RAI2: variants seen among roughly 807,000 people sequenced by gnomAD.
The protein encoded by RAI2 is retinoic acid-induced protein 2.
In RAI2, 5 loss-of-function variants were observed where a neutral mutation model predicts 15.3. That is an observed-to-expected ratio of 0.33 (90% CI 0.17 to 0.69). The LOEUF is 0.69. Ranked by LOEUF, RAI2 falls within the 30% of genes least tolerant of loss-of-function variation. RAI2 has a pLI of 0.69. For synonymous variants in RAI2, 191 were observed against 184.0 expected (o/e 1.04, Z -0.31); for missense variants, 424 against 424.7 (o/e 1.00, Z 0.01).
chrX:17,859,181 A>T (rs1036828294), intron 1 of RAI2, among the ~76,000 whole-genome samples: 3 of 110,857 alleles, frequency 2.7e-5, no homozygotes, highest in African/African-American at 9.9e-5. Context: ...CCCCTTCCGT[A>T]TTGTCCCCCT....
At position 17,801,155 on chromosome X, in the gene RAI2, C is replaced by A. The variant is rs773031303; in HGVS notation, c.856G>T (p.Asp286Tyr). ...FKGTQTPLEKDELKPFDILQP... is the reference protein window; with the variant it reads ...FKGTQTPLEKYELKPFDILQP... ...AGGATGTCAAAGGGCTTCAGTTCAT[C>A]TTTTTCCAGAGGGGTCTGGGTGCCT... The change falls in exon 2 of 2, where the codon GAT (aspartate) becomes TAT (tyrosine). Residue 286 changes from aspartate (D) to tyrosine (Y), a missense_variant. Transcript: ENST00000451717. The A allele has an allele frequency of 9.1e-6, 11 of 1,209,422 alleles. No homozygotes were observed. The Admixed American group carries it at 1.8e-4, about 19-fold the overall frequency.
At chrX:17,808,510 G>A (rs1421453628) in intron 1 of RAI2, among the ~76,000 whole-genome samples, 1 of 111,134 alleles carries the variant, frequency 9.0e-6, no homozygotes, top group African/African-American at 3.3e-5. Flanking sequence ...GTGAGGTTGC[G>A]GACCCTTAAT....
At chrX:17,859,964 C>G (rs775974259) in intron 1 of RAI2, among the ~76,000 whole-genome samples, 3 of 112,501 alleles carry the variant, frequency 2.7e-5, no homozygotes, top group African/African-American at 9.7e-5. Context: ...TTGCTTTTTC[C>G]TTGGAAAACT....
intron 1 of RAI2, among the ~76,000 whole-genome samples, chrX:17,819,243 T>C (rs2067139232): frequency 1.8e-5 from 2 of 112,445 alleles, no homozygotes; most frequent in South Asian, 3.7e-4. Flanking sequence ...TGAGCTGGCA[T>C]TGACTGACAT....
chrX:17,803,849 G>A (rs2066948238), intron 1 of RAI2, among the ~76,000 whole-genome samples: 1 of 112,449 alleles, frequency 8.9e-6, no homozygotes, highest in African/African-American at 3.2e-5. Flanking sequence ...CCCCAGGGAG[G>A]CTGAGGGGGC....
chrX:17,835,281 A>G (rs1205982090), intron 1 of RAI2, among the ~76,000 whole-genome samples: 1 of 112,491 alleles, frequency 8.9e-6, no homozygotes, highest in Non-Finnish European at 1.9e-5. Context: ...TGTGTGTAGC[A>G]TGGTGCGGGA....
intron 1 of RAI2, among the ~76,000 whole-genome samples, chrX:17,851,507 G>A (rs959534435): frequency 8.9e-6 from 1 of 112,208 alleles, no homozygotes; most frequent in African/African-American, 3.2e-5. Context: ...ATAGTCGAAA[G>A]AGTATCCCTA....
intron 1 of RAI2, among the ~76,000 whole-genome samples, chrX:17,832,845 G>A (rs1362087082): frequency 1.8e-5 from 2 of 112,129 alleles, no homozygotes; most frequent in Non-Finnish European, 3.8e-5. Flanking sequence ...GGAACATGAA[G>A]CTCACTTGAG....
intron 1 of RAI2, among the ~76,000 whole-genome samples, chrX:17,820,891 A>T (rs1444363960): frequency 8.3e-5 from 8 of 96,263 alleles, no homozygotes; most frequent in African/African-American, 2.8e-4. Flanking sequence ...ATTCTTTTGT[A>T]AAAAAAAAAA....
In RAI2 at chrX:17,830,639, C is replaced by A. The variant is rs73447833; in HGVS notation, c.-24-28605G>T. Among the ~76,000 whole-genome samples the A allele has an allele frequency of 5.9e-3, 654 of 111,099 alleles. 5 individuals are homozygous for A. The highest frequency in any genetic ancestry group is 0.02 in the African/African-American group (605 of 30,517). On this transcript the variant is annotated intron_variant, in intron 1 of 1. Coordinates refer to ENST00000451717, the MANE Select transcript of RAI2 (RefSeq NM_021785.6). ...GAGCTGAACAAGCTACAAAGGAAGG[C>A]ATGGTCAAACTGTGAAGGGAAGAGG...
rs980757231 is a variant in RAI2, at chrX:17,815,585, A to G, written c.-24-13551T>C. Among the ~76,000 whole-genome samples the G allele has an allele frequency of 3.6e-5, 4 of 111,426 alleles. 1 individual carries two copies. Among genetic ancestry groups the G allele is most frequent in the African/African-American group, 1.3e-4 (4 of 30,535 alleles). On this transcript the variant is annotated intron_variant, in intron 1 of 1. Transcript: ENST00000451717. The stretch of plus-strand genomic sequence containing the variant: ...GGTGGAATGGAGGAGGGTTTTCCAA[A>G]AGTGCAGGACAGAAGGAAAGGCAGA...
rs757631700 is a variant in RAI2 at position 17,812,388 on chromosome X, A to C, written c.-24-10354T>G. Among the ~76,000 whole-genome samples, 13 of 112,414 alleles carry C rather than the reference A, an allele frequency of 1.2e-4. No homozygotes were observed. The East Asian group carries it at 2.8e-3, about 24-fold the overall frequency. ...TTTCCAGGCCAGCCCACAAAAACCC[A>C]CCTAACACCCAACATAGCTGAAATG... On this transcript the variant is annotated intron_variant, in intron 1 of 1. Transcript: ENST00000451717.
At chrX:17,804,117 G>A (rs1333345518) in intron 1 of RAI2, among the ~76,000 whole-genome samples, 1 of 110,579 alleles carries the variant, frequency 9.0e-6, no homozygotes, top group East Asian at 2.9e-4. Flanking sequence ...ACACCACCAT[G>A]CCCAGCTAAT....
chrX:17,822,139 C>A (rs2067172843), intron 1 of RAI2, among the ~76,000 whole-genome samples: 1 of 112,004 alleles, frequency 8.9e-6, no homozygotes, highest in Non-Finnish European at 1.9e-5. Context: ...ATCATACAAG[C>A]ACAAGCAAGA....
chrX:17,825,634 G>A (rs1197028353), intron 1 of RAI2, among the ~76,000 whole-genome samples: 1 of 112,534 alleles, frequency 8.9e-6, no homozygotes, highest in Non-Finnish European at 1.9e-5. Flanking sequence ...CCCACACTGG[G>A]AAATCATCAA....
chrX:17,812,355 C>T (rs185797366), intron 1 of RAI2, among the ~76,000 whole-genome samples: 32 of 112,099 alleles, frequency 2.9e-4, no homozygotes, highest in East Asian at 5.6e-4. Context: ...TTACACCTGA[C>T]GGGAAGGTTT....
chrX:17,824,620 A>C (rs758964054), intron 1 of RAI2, among the ~76,000 whole-genome samples: 67 of 111,868 alleles, frequency 6.0e-4, no homozygotes, highest in Admixed American at 1.3e-3. Flanking sequence ...CCCCCCTAGG[A>C]TGAGTTAACT....
chrX:17,821,099 G>A (rs895719675), intron 1 of RAI2, among the ~76,000 whole-genome samples: 2 of 111,444 alleles, frequency 1.8e-5, no homozygotes, highest in African/African-American at 3.3e-5. Context: ...TTTAATTTTT[G>A]GATCCGAAGT....
At chrX:17,845,584 G>GT (rs2067447653) in intron 1 of RAI2, among the ~76,000 whole-genome samples, 1 of 112,457 alleles carries the variant, frequency 8.9e-6, no homozygotes, top group South Asian at 3.7e-4. Context: ...CATGTTGCCT[G>GT]TTTATTTACT....
Sources: gnomAD v4.1 joint callset for allele counts (sites outside exome capture counted in the v4.1 genomes callset) on GRCh38, gnomAD v4.1.1 for gene constraint, MANE v1.5 for transcripts, NCBI Gene and HGNC (gene_info 2026-07-23, HGNC 2026-07-21) for gene names.